Variants in RNF217 observed in about 807,000 individuals in gnomAD.
The protein encoded by RNF217 is E3 ubiquitin-protein ligase RNF217.
In RNF217, 31 loss-of-function variants were observed where a neutral mutation model predicts 57.8. The observed-to-expected ratio is 0.54, with a 90% CI of 0.40 to 0.72. The LOEUF (loss-of-function observed/expected upper bound fraction) is 0.72. RNF217 is among the 30% of genes least tolerant of loss of function. The probability of loss-of-function intolerance (pLI) is 0.00; values close to 1 mark genes in which losing one functional copy is unlikely to be tolerated. For missense variants in RNF217, 696 were observed against 708.3 expected (o/e 0.98, Z 0.20); for synonymous variants, 313 against 294.0 (o/e 1.06, Z -0.66).
In RNF217 at chr6:125,091,769, G is replaced by T. The variant is rs1788960437; in HGVS notation, c.*8832G>T. On this transcript the variant is annotated 3_prime_UTR_variant, in exon 6 of 6. Transcript: ENST00000521654. ...TACAACTTATTCTTGGCAATATTTT[G>T]TCAGTAATATACTTTCATACAGATG... The T allele has an allele frequency of 6.6e-6, 1 of 152,086 alleles. No homozygotes were observed. The highest frequency in any genetic ancestry group is 1.5e-5 in the Non-Finnish European group (1 of 67,982). 9.4% of individuals were successfully genotyped at this position (152,086 alleles called of 1,614,324 possible).
intron 1 of RNF217, among the ~76,000 whole-genome samples, chr6:125,000,088 A>G (rs1201403457): frequency 1.3e-5 from 2 of 152,148 alleles, no homozygotes; most frequent in Admixed American, 6.5e-5. Context: ...ACCTTGGCTT[A>G]TGGAATGCAG....
intron 1 of RNF217, chr6:125,009,369 C>T (rs1785329921): frequency 3.5e-6 from 3 of 856,458 alleles, no homozygotes; most frequent in Admixed American, 1.9e-5. Flanking sequence ...GAAGCCCTCT[C>T]ACAGACATAG....
chr6:125,062,672 G>A (rs1178576893), intron 3 of RNF217, among the ~76,000 whole-genome samples: 2 of 152,050 alleles, frequency 1.3e-5, no homozygotes, highest in African/African-American at 4.8e-5. Context: ...CGTCTCCCGG[G>A]CTCAAGAGAT....
chr6:124,968,844 T>A (rs1783651558), intron 1 of RNF217, among the ~76,000 whole-genome samples: 1 of 152,212 alleles, frequency 6.6e-6, no homozygotes, highest in Admixed American at 6.5e-5. Context: ...ATGGACAAAG[T>A]AGGCATACCT....
chr6:125,054,841 T>G (rs370507959), intron 2 of RNF217, among the ~76,000 whole-genome samples: 10 of 152,142 alleles, frequency 6.6e-5, no homozygotes, highest in Admixed American at 3.9e-4. Context: ...CAACAAGTTC[T>G]CAGGTGATGC....
chr6:124,997,504 G>A (rs992970057), intron 1 of RNF217, among the ~76,000 whole-genome samples: 9 of 152,104 alleles, frequency 5.9e-5, no homozygotes, highest in Non-Finnish European at 1.3e-4. Context: ...AGGCAAATCC[G>A]AAAAATGTTC....
chr6:124,998,526 G>T (rs1388980675), intron 1 of RNF217, among the ~76,000 whole-genome samples: 1 of 152,090 alleles, frequency 6.6e-6, no homozygotes, highest in Admixed American at 6.5e-5. Context: ...AAGGCCAGGT[G>T]CCGTGGCTCA....
chr6:124,988,860 G>A (rs1003331429), intron 1 of RNF217, among the ~76,000 whole-genome samples: 7 of 152,264 alleles, frequency 4.6e-5, no homozygotes, highest in African/African-American at 1.7e-4. Context: ...AACAATAACA[G>A]TTAAGCCGTA....
At chr6:124,987,455 G>T (rs1784403920) in intron 1 of RNF217, among the ~76,000 whole-genome samples, 1 of 151,930 alleles carries the variant, frequency 6.6e-6, no homozygotes, top group South Asian at 2.1e-4. Context: ...GCTTTTCCTG[G>T]ACATTTTATA....
chr6:124,987,081 CG>C (rs1784390977), intron 1 of RNF217, among the ~76,000 whole-genome samples: 1 of 152,062 alleles, frequency 6.6e-6, no homozygotes, highest in African/African-American at 2.4e-5. Context: ...ATAATTTGGA[CG>C]TTTTTTATAC....
chr6:124,984,849 G>C (rs146960787), intron 1 of RNF217, among the ~76,000 whole-genome samples: 55 of 152,180 alleles, frequency 3.6e-4, no homozygotes, highest in Non-Finnish European at 5.3e-4. Context: ...AATTCCTGCA[G>C]GGGGAAAATG....
Position 125,086,862 on chromosome 6 carries a change from TCTGA to T in RNF217, c.*3928_*3931del, listed in dbSNP as rs935561756. On this transcript the variant is annotated 3_prime_UTR_variant, in exon 6 of 6. Coordinates refer to ENST00000521654, the MANE Select transcript of RNF217 (RefSeq NM_001286398.3). ...GTCAGAAAATACCTTGTTCTGTGACTCTGACTATCTCTTGAGTCCCAAGGCTCCA... is the reference window on the plus strand; with the variant it reads ...GTCAGAAAATACCTTGTTCTGTGACTCTATCTCTTGAGTCCCAAGGCTCCA... The T allele has an allele frequency of 2.0e-5, 3 of 152,140 alleles. No individual in the cohort carries two copies. The highest frequency in any genetic ancestry group is 4.4e-5 in the Non-Finnish European group (3 of 68,016). The allele number at this position is 152,140 out of a possible 1,614,324, so 9.4% of individuals were successfully genotyped here. A position where few individuals can be genotyped will look rare whatever the true frequency, so the allele number is the denominator to read the frequency against.
chr6:125,026,941 A>C (rs1786115415), intron 1 of RNF217, among the ~76,000 whole-genome samples: 1 of 152,220 alleles, frequency 6.6e-6, no homozygotes, highest in Admixed American at 6.5e-5. Flanking sequence ...TTAATATATT[A>C]ATGTTTATTA....
intron 2 of RNF217, among the ~76,000 whole-genome samples, chr6:125,055,645 T>C (rs1010130107): frequency 3.3e-5 from 5 of 152,334 alleles, no homozygotes; most frequent in Admixed American, 2.0e-4. Flanking sequence ...TTAATGATGC[T>C]AGAATCTAGT....
chr6:125,033,235 G>T (rs1786439549), intron 1 of RNF217, among the ~76,000 whole-genome samples: 1 of 147,348 alleles, frequency 6.8e-6, no homozygotes, highest in Non-Finnish European at 1.5e-5. Context: ...GGGTACATGT[G>T]CACAATGTGC....
intron 1 of RNF217, among the ~76,000 whole-genome samples, chr6:125,017,958 G>A (rs994910455): frequency 4.6e-5 from 7 of 152,112 alleles, no homozygotes; most frequent in African/African-American, 1.2e-4. Context: ...TTTCTGATGC[G>A]TTTAAAATAT....
In RNF217 at chr6:125,088,418, A is replaced by G. The variant is rs1487239244; in HGVS notation, c.*5481A>G. 6.6e-6 allele frequency: 1 copy of G among 152,142 alleles called. No individual in the cohort carries two copies. The highest frequency in any genetic ancestry group is 1.9e-4 in the East Asian group (1 of 5,196). The allele number at this position is 152,142 out of a possible 1,614,324, so 9.4% of individuals were successfully genotyped here. A position where few individuals can be genotyped will look rare whatever the true frequency, so the allele number is the denominator to read the frequency against. On this transcript the variant is annotated 3_prime_UTR_variant, in exon 6 of 6. Transcript: ENST00000521654. ...TAGCCAAACTTTGTGTGGGACTTCT[A>G]TTGTTACTAATTGTAAGGCTGTAAC...
At chr6:125,046,600 A>G (rs1443354296) in intron 2 of RNF217, 4 of 455,806 alleles carry the variant, frequency 8.8e-6, no homozygotes, top group African/African-American at 4.0e-5. Context: ...CATCCTTGTC[A>G]TTACAGCAAA....
At chr6:124,998,753 G>A (rs115011867) in intron 1 of RNF217, among the ~76,000 whole-genome samples, 2,494 of 152,252 alleles carry the variant, frequency 0.016, 72 homozygotes, top group African/African-American at 0.057. Context: ...GTGAGCCATC[G>A]CACCACTGCA....
Sources: allele counts gnomAD v4.1 joint callset (sites outside exome capture counted in the v4.1 genomes callset), GRCh38; gene constraint gnomAD v4.1.1; transcripts MANE v1.5; gene names NCBI Gene and HGNC (gene_info 2026-07-23, HGNC 2026-07-21).